Variants in HAGHL observed in about 807,000 individuals in gnomAD.
HAGHL encodes hydroxyacylglutathione hydrolase like, also known as hydroxyacylglutathione hydrolase-like protein.
Under a neutral mutation model 29.2 loss-of-function variants are expected in HAGHL, and 27 were observed. The ratio of observed to expected loss-of-function variants is 0.92; its 90% confidence interval spans 0.68 to 1.27. The LOEUF is 1.27. Among genes scored for constraint, HAGHL ranks in the 50% most tolerant of loss-of-function variants. The pLI is 0.00. For missense variants in HAGHL, 529 were observed against 405.5 expected (o/e 1.30, Z -2.62); for synonymous variants, 223 against 185.7 (o/e 1.20, Z -1.63).
chr16:728,764 G>C, intron 5 of HAGHL, 30 bp from the exon 6 acceptor site: 1 of 1,603,124 alleles, frequency 6.2e-7, no homozygotes, highest in Non-Finnish European at 8.5e-7. Context: ...TCCTGGCCGC[G>C]TGCGCGCTCA....
rs2041241607 is a variant in HAGHL, at chr16:729,502, A to C, written c.*46A>C. On this transcript the variant is annotated 3_prime_UTR_variant, in exon 8 of 8. Coordinates refer to ENST00000389703, the MANE Select transcript of HAGHL (RefSeq NM_032304.4). ...GCTGGGGCCTGCGTCCCTCCTCGTGACCTCGGCCAGCTGGACCCACATGAG... is the reference window on the plus strand; with the variant it reads ...GCTGGGGCCTGCGTCCCTCCTCGTGCCCTCGGCCAGCTGGACCCACATGAG... 6.5e-7 allele frequency: 1 copy of C among 1,536,326 alleles called. No homozygotes were observed. The highest frequency in any genetic ancestry group is 8.7e-7 in the Non-Finnish European group (1 of 1,146,152).
In HAGHL at chr16:728,412, G is replaced by T; in HGVS notation, c.385G>T (p.Ala129Ser). 1.7e-6 allele frequency: 1 copy of T among 594,626 alleles called. No individual in the cohort carries two copies. 36.8% of individuals were successfully genotyped at this position (594,626 alleles called of 1,614,324 possible). ...GGAGGACGATTGCCCGGACCCACCCGCCCTGTTCTCGGGTACCCGCAGCGC... is the reference window on the plus strand; with the variant it reads ...GGAGGACGATTGCCCGGACCCACCCTCCCTGTTCTCGGGTACCCGCAGCGC... Reference protein sequence around the residue: ...LWEDDCPDPPALFSGDALSVA... With the variant: ...LWEDDCPDPPSLFSGDALSVA... The change falls in exon 4 of 8, where the codon GCC (alanine) becomes TCC (serine). Residue 129 changes from alanine (A) to serine (S), a missense_variant. Ala to Ser is a moderately conservative substitution (Grantham distance 99, BLOSUM62 1). Transcript: ENST00000389703.
chr16:729,243 C>G, intron 7 of HAGHL, 45 bp from the exon 8 acceptor site: 2 of 1,534,112 alleles, frequency 1.3e-6, no homozygotes, highest in Non-Finnish European at 8.8e-7. Context: ...GCCATGCTCC[C>G]GCGTGGGCAG....
Position 729,545 on chromosome 16 carries a change from T to C in HAGHL, c.*89T>C. 1.3e-6 allele frequency: 2 copies of C among 1,533,232 alleles called. No individual in the cohort carries two copies. Among genetic ancestry groups the C allele is most frequent in the Non-Finnish European group, 1.7e-6 (2 of 1,145,724 alleles). The allele number at this position is 1,533,232 out of a possible 1,614,324, so 95.0% of individuals were successfully genotyped here. Reference sequence around the variant, plus strand: ...CACATGAGGGCCACCTCTGGAACCTTCTTCGAGGCCCTGGCCAGCCATCTG... The same window carrying C: ...CACATGAGGGCCACCTCTGGAACCTCCTTCGAGGCCCTGGCCAGCCATCTG... On this transcript the variant is annotated 3_prime_UTR_variant, in exon 8 of 8. Coordinates refer to ENST00000389703, the MANE Select transcript of HAGHL (RefSeq NM_032304.4).
Position 728,615 on chromosome 16 carries a change from C to G in HAGHL, c.498+11C>G, listed in dbSNP as rs2041187062. On this transcript the variant is annotated intron_variant, in intron 5 of 7. Coordinates refer to ENST00000389703, the MANE Select transcript of HAGHL (RefSeq NM_032304.4). Reference sequence around the variant, plus strand: ...CTGCCCCCCGAGACGGTGAGCGGGCCTGGGCCCTCCCCTCTTCTCCCGTGG... The same window carrying G: ...CTGCCCCCCGAGACGGTGAGCGGGCGTGGGCCCTCCCCTCTTCTCCCGTGG... 1.4e-6 allele frequency: 2 copies of G among 1,443,266 alleles called. No homozygotes were observed. Among genetic ancestry groups the G allele is most frequent in the Admixed American group, 2.2e-5 (1 of 45,528 alleles). The allele number at this position is 1,443,266 out of a possible 1,614,324, so 89.4% of individuals were successfully genotyped here. A position where few individuals can be genotyped will look rare whatever the true frequency, so the allele number is the denominator to read the frequency against.
intron 7 of HAGHL, 67 bp from the exon 8 acceptor site, chr16:729,221 C>T (rs1027852247): frequency 3.2e-6 from 5 of 1,548,350 alleles, no homozygotes; most frequent in Non-Finnish European, 4.4e-6. Flanking sequence ...GCCTGCCCGC[C>T]CACCCCTCGG....
chr16:729,683 G>A lies in HAGHL; in HGVS notation c.*227G>A. ...GTGTCTGGGAAGTGGGGCACACGGG[G>A]CCTCCGAACTATGAATAAAGCTTTG... is the stretch of plus-strand genomic sequence containing the variant. On this transcript the variant is annotated 3_prime_UTR_variant, in exon 8 of 8. Transcript: ENST00000389703. 6.7e-7 allele frequency: 1 copy of A among 1,498,890 alleles called. No individual in the cohort carries two copies. The highest frequency in any genetic ancestry group is 8.9e-7 in the Non-Finnish European group (1 of 1,128,926). 92.8% of individuals were successfully genotyped at this position (1,498,890 alleles called of 1,614,324 possible). A position where few individuals can be genotyped will look rare whatever the true frequency, so the allele number is the denominator to read the frequency against.
chr16:729,362 C>T lies in HAGHL; in HGVS notation c.755C>T (p.Ala252Val). The T allele has an allele frequency of 2.6e-6, 4 of 1,532,342 alleles. No individual in the cohort carries two copies. The highest frequency in any genetic ancestry group is 1.2e-5 in the South Asian group (1 of 82,596). The allele number at this position is 1,532,342 out of a possible 1,614,324, so 94.9% of individuals were successfully genotyped here. The change falls in exon 8 of 8, where the codon GCG becomes GTG. Residue 252 changes from alanine (A) to valine (V), a missense_variant. Coordinates refer to ENST00000389703, the MANE Select transcript of HAGHL (RefSeq NM_032304.4). ...DVLEALCKERARFEQAGEPRQ... is the reference protein window; with the variant it reads ...DVLEALCKERVRFEQAGEPRQ... ...CTGGAGGCGCTATGCAAGGAGCGGGCGCGCTTCGAACAGGCGGGCGAGCCG... is the reference window on the plus strand; with the variant it reads ...CTGGAGGCGCTATGCAAGGAGCGGGTGCGCTTCGAACAGGCGGGCGAGCCG...
Position 728,253 on chromosome 16 carries a change from A to G in HAGHL, c.288+20A>G. Reference sequence around the variant, plus strand: ...CTGCGGGTGAGCGCGCGCTCCCGGGAGGGGCGGGGAGGGCGCCCCGGGTCC... The same window carrying G: ...CTGCGGGTGAGCGCGCGCTCCCGGGGGGGGCGGGGAGGGCGCCCCGGGTCC... On this transcript the variant is annotated intron_variant, in intron 3 of 7. Coordinates refer to ENST00000389703, the MANE Select transcript of HAGHL (RefSeq NM_032304.4). The G allele has an allele frequency of 6.7e-7, 1 of 1,499,298 alleles. No homozygotes were observed. The highest frequency in any genetic ancestry group is 8.8e-7 in the Non-Finnish European group (1 of 1,130,436). The allele number at this position is 1,499,298 out of a possible 1,614,324, so 92.9% of individuals were successfully genotyped here. A position where few individuals can be genotyped will look rare whatever the true frequency, so the allele number is the denominator to read the frequency against.
In HAGHL at chr16:729,301, C is replaced by A; in HGVS notation, c.694C>A (p.Arg232Ser). The A allele has an allele frequency of 6.6e-7, 1 of 1,525,812 alleles. No individual in the cohort carries two copies. The highest frequency in any genetic ancestry group is 8.8e-7 in the Non-Finnish European group (1 of 1,137,304). The allele number at this position is 1,525,812 out of a possible 1,614,324, so 94.5% of individuals were successfully genotyped here. A position where few individuals can be genotyped will look rare whatever the true frequency, so the allele number is the denominator to read the frequency against. Residue 232 changes from arginine (R) to serine (S), a missense_variant, in exon 8 of 8, where the codon CGC (arginine) becomes AGC (serine). By Grantham distance (110) the Arg-to-Ser change is moderately radical. Coordinates refer to ENST00000389703, the MANE Select transcript of HAGHL (RefSeq NM_032304.4). ...PFLRVAEEPV[R>S]KFTGKAVPAD... Reference sequence around the variant, plus strand: ...CCCTCCCTGCAGAGAGGAGCCGGTGCGCAAGTTCACGGGCAAGGCGGTCCC... The same window carrying A: ...CCCTCCCTGCAGAGAGGAGCCGGTGAGCAAGTTCACGGGCAAGGCGGTCCC...
rs1313833631 is a variant in HAGHL at position 728,714 on chromosome 16, C to A, written c.499-80C>A. On this transcript the variant is annotated intron_variant, in intron 5 of 7. Transcript: ENST00000389703. ...AATGCCCACCTGAGGGCAGACCGGG[C>A]AGGGGAGGCCAGGCCCCCGGCGCAA... 1.2e-5 allele frequency: 16 copies of A among 1,383,806 alleles called. 1 individual carries two copies. In the South Asian group the frequency reaches 1.2e-4, roughly 11 times the overall value. 85.7% of individuals were successfully genotyped at this position (1,383,806 alleles called of 1,614,324 possible). A position where few individuals can be genotyped will look rare whatever the true frequency, so the allele number is the denominator to read the frequency against.
In HAGHL at chr16:729,658, G is replaced by C; in HGVS notation, c.*202G>C. On this transcript the variant is annotated 3_prime_UTR_variant, in exon 8 of 8. Coordinates refer to ENST00000389703, the MANE Select transcript of HAGHL (RefSeq NM_032304.4). ...GGCCTGTGTGGGCGCCGAGACCTGG[G>C]TGTCTGGGAAGTGGGGCACACGGGG... The C allele has an allele frequency of 1.3e-6, 2 of 1,512,020 alleles. No individual in the cohort carries two copies. The highest frequency in any genetic ancestry group is 1.8e-6 in the Non-Finnish European group (2 of 1,134,560). 93.7% of individuals were successfully genotyped at this position (1,512,020 alleles called of 1,614,324 possible).
Position 727,820 on chromosome 16 carries a change from G to A in HAGHL, c.106-145G>A, listed in dbSNP as rs1473323612. 13 of 899,136 alleles carry A rather than the reference G, an allele frequency of 1.4e-5. No individual in the cohort carries two copies. In the East Asian group the frequency reaches 1.9e-4, roughly 13 times the overall value. The allele number at this position is 899,136 out of a possible 1,614,324, so 55.7% of individuals were successfully genotyped here. A position where few individuals can be genotyped will look rare whatever the true frequency, so the allele number is the denominator to read the frequency against. On this transcript the variant is annotated intron_variant, in intron 1 of 7. Transcript: ENST00000389703. Reference sequence around the variant, plus strand: ...TGCCTGGCGGTCCCTGCACGCGCTGGGCGCAGTCACCGCCCGCTGGGTCCC... The same window carrying A: ...TGCCTGGCGGTCCCTGCACGCGCTGAGCGCAGTCACCGCCCGCTGGGTCCC...
In HAGHL at chr16:728,337, T is replaced by G; in HGVS notation, c.310T>G (p.Cys104Gly). The stretch of plus-strand genomic sequence containing the variant: ...GCAGTTCGGGGCCATCCACGTGCGT[T>G]GCCTCCTGACGCCCGGCCACACCGC... ...ELRFGAIHVRCLLTPGHTAGH... is the reference protein window; with the variant it reads ...ELRFGAIHVRGLLTPGHTAGH... Residue 104 changes from cysteine to glycine, a missense_variant, in exon 4 of 8, where the codon TGC becomes GGC. Physicochemically the swap from Cys to Gly is radical, Grantham distance 159. Transcript: ENST00000389703. The G allele has an allele frequency of 6.4e-7, 1 of 1,567,392 alleles. No individual in the cohort carries two copies. Among genetic ancestry groups the G allele is most frequent in the Non-Finnish European group, 8.6e-7 (1 of 1,160,816 alleles).
intron 6 of HAGHL, 37 bp downstream of exon 6, chr16:728,932 G>A: frequency 1.9e-6 from 2 of 1,039,342 alleles, no homozygotes; most frequent in Non-Finnish European, 2.7e-6. Context: ...GAGGGTGGGG[G>A]GGGAGGGAAC....
chr16:728,960 G>T (rs562758721), intron 6 of HAGHL, 49 bp from the exon 7 acceptor site: 21 of 829,622 alleles, frequency 2.5e-5, no homozygotes, highest in Non-Finnish European at 3.5e-5. Flanking sequence ...GGGGTGGGGG[G>T]GGCTCTCAGA....
rs759963866 is a variant in HAGHL, at chr16:727,596, C to T, written c.87C>T (p.Asp29=). 8 of 1,610,026 alleles carry T rather than the reference C, an allele frequency of 5.0e-6. No homozygotes were observed. The highest frequency in any genetic ancestry group is 1.1e-5 in the South Asian group (1 of 90,808). Residue 29 remains aspartate, a synonymous_variant, in exon 1 of 8, where the codon GAC becomes GAT. Transcript: ENST00000389703. Reference sequence around the variant, plus strand: ...TCACGCGCGAGGCGGTGGCCGTGGACGTGGCTGTGCCCAAGAGGGTGAGGG... The same window carrying T: ...TCACGCGCGAGGCGGTGGCCGTGGATGTGGCTGTGCCCAAGAGGGTGAGGG... ...EELTREAVAV[D]VAVPKRLLEI...
At chr16:728,722 G>T (rs2041195785) in intron 5 of HAGHL, 72 bp from the exon 6 acceptor site, 4 of 1,455,030 alleles carry the variant, frequency 2.7e-6, no homozygotes, top group Admixed American at 1.8e-5. Flanking sequence ...GGCAGGGGAG[G>T]CCAGGCCCCC....
rs140410680 is a variant in HAGHL, at chr16:729,649, G to C, written c.*193G>C. 1.9e-5 allele frequency: 29 copies of C among 1,514,168 alleles called. No individual in the cohort carries two copies. Among genetic ancestry groups the C allele is most frequent in the Non-Finnish European group, 2.5e-5 (28 of 1,135,508 alleles). 93.8% of individuals were successfully genotyped at this position (1,514,168 alleles called of 1,614,324 possible). ...ACTCAGTGGGGCCTGTGTGGGCGCC[G>C]AGACCTGGGTGTCTGGGAAGTGGGG... On this transcript the variant is annotated 3_prime_UTR_variant, in exon 8 of 8. Coordinates refer to ENST00000389703, the MANE Select transcript of HAGHL (RefSeq NM_032304.4).
Sources: gnomAD v4.1 joint callset for allele counts on GRCh38, gnomAD v4.1.1 for gene constraint, MANE v1.5 for transcripts, NCBI Gene and HGNC (gene_info 2026-07-23, HGNC 2026-07-21) for gene names.